RECQL4: variants seen among roughly 807,000 people sequenced by gnomAD.
RECQL4 encodes the protein ATP-dependent DNA helicase Q4.
RECQL4 carries 158 observed loss-of-function variants against 128.6 expected under a neutral mutation model. The observed-to-expected ratio is 1.23, with a 90% CI of 1.08 to 1.40. RECQL4 has a LOEUF of 1.40. Ranked by LOEUF, RECQL4 falls within the 40% of genes most tolerant of loss-of-function variation. The probability of loss-of-function intolerance (pLI) is 0.00; values close to 1 mark genes in which losing one functional copy is unlikely to be tolerated. For synonymous variants in RECQL4, 996 were observed against 678.9 expected (o/e 1.47, Z -7.26); for missense variants, 2,293 against 1,649.8 (o/e 1.39, Z -6.75).
In RECQL4 at chr8:144,517,606, G is replaced by C. The variant is rs948891282; in HGVS notation, c.114C>G (p.Thr38=). Residue 38 remains threonine (T), a synonymous_variant, in exon 2 of 21, where the codon ACC becomes ACG. Transcript: ENST00000617875. The part of the protein sequence containing the change: ...QDDVEAAPEE[T]RALYREYRTL... ...GCCGCCCCGCCGCGCGCTCACCGCG[G>C]GTCTCCTCCGGCGCCGCCTCCACGT... The C allele has an allele frequency of 1.3e-6, 2 of 1,486,986 alleles. No individual in the cohort carries two copies. The highest frequency in any genetic ancestry group is 1.8e-6 in the Non-Finnish European group (2 of 1,126,702). 92.1% of individuals were successfully genotyped at this position (1,486,986 alleles called of 1,614,324 possible). A position where few individuals can be genotyped will look rare whatever the true frequency, so the allele number is the denominator to read the frequency against.
At position 144,514,536 on chromosome 8, in the gene RECQL4, A is replaced by G. The variant is rs1827867296; in HGVS notation, c.1621-11T>C. 1 of 1,609,354 alleles carries G rather than the reference A, an allele frequency of 6.2e-7. No individual in the cohort carries two copies. The highest frequency in any genetic ancestry group is 1.3e-5 in the African/African-American group (1 of 74,868). On this transcript the variant is annotated splice_polypyrimidine_tract_variant and intron_variant, in intron 9 of 20. Coordinates refer to ENST00000617875, the MANE Select transcript of RECQL4 (RefSeq NM_004260.4). ...TGGCAGGCCAGACACCTGCAAATGC[A>G]GGAGCGACAGCCGTCATACGCCAGC...
rs1016687510 is a variant in RECQL4, at chr8:144,516,034, T to C, written c.1085A>G (p.His362Arg). The change falls in exon 5 of 21, where the codon CAC (histidine) becomes CGC (arginine). Residue 362 changes from histidine (H) to arginine (R), a missense_variant. Coordinates refer to ENST00000617875, the MANE Select transcript of RECQL4 (RefSeq NM_004260.4). ...ACGGAGTGCCCGGCCCCGCACGTAG[T>C]GTTTCTGCTTCATGTTGAGCCGTAC... is the stretch of plus-strand genomic sequence containing the variant. ...NYVRLNMKQK[H>R]YVRGRALRSR... 1.6e-5 allele frequency: 26 copies of C among 1,611,676 alleles called. No homozygotes were observed. Among genetic ancestry groups the C allele is most frequent in the Non-Finnish European group, 2.0e-5 (23 of 1,179,138 alleles).
Position 144,511,662 on chromosome 8 carries a change from G to GGGGCCTCCC in RECQL4, c.3502+10_3502+18dup. 1 of 1,610,998 alleles carries GGGGCCTCCC rather than the reference G, an allele frequency of 6.2e-7. No individual in the cohort carries two copies. Among genetic ancestry groups the GGGGCCTCCC allele is most frequent in the Non-Finnish European group, 8.5e-7 (1 of 1,178,704 alleles). On this transcript the variant is annotated intron_variant, in intron 20 of 20. Transcript: ENST00000617875. ...CCCCCAGCCCCAGCCTGCAGCGGGT[G>GGGGCCTCCC]GGGCCTCCCAGGCCTCACCGATGCC...
rs1206306853 is a variant in RECQL4 at position 144,517,453 on chromosome 8, C to T, written c.174G>A (p.Gly58=). 1 of 1,593,570 alleles carries T rather than the reference C, an allele frequency of 6.3e-7. No homozygotes were observed. Among genetic ancestry groups the T allele is most frequent in the South Asian group, 1.1e-5 (1 of 89,046 alleles). ...LKRTTGQAGG[G]LRSSESLPAA... is the part of the protein sequence containing the mutation. ...CGGGGAGCGACTCGGAGCTGCGGAG[C>T]CCGCCGCCGGCCTGGCCCGTGGTAC... is the stretch of plus-strand genomic sequence containing the variant. Residue 58 remains glycine, a synonymous_variant, in exon 3 of 21, where the codon GGG becomes GGA. Transcript: ENST00000617875.
Position 144,516,625 on chromosome 8 carries a change from G to A in RECQL4, c.494C>T (p.Pro165Leu). ...CTGGAGCCGGCCTGGCCTTGGCTGGGGCTCAGGGAGCTGTGGAGGCTCATC... is the reference window on the plus strand; with the variant it reads ...CTGGAGCCGGCCTGGCCTTGGCTGGAGCTCAGGGAGCTGTGGAGGCTCATC... The part of the protein sequence containing the change: ...VSDEPPQLPE[P>L]QPRPGRLQHL... Residue 165 changes from proline to leucine, a missense_variant, in exon 5 of 21, where the codon CCC becomes CTC. By Grantham distance (98) the Pro-to-Leu change is moderately conservative (BLOSUM62 -3). Coordinates refer to ENST00000617875, the MANE Select transcript of RECQL4 (RefSeq NM_004260.4). The A allele has an allele frequency of 6.2e-7, 1 of 1,610,682 alleles. No individual in the cohort carries two copies. Among genetic ancestry groups the A allele is most frequent in the East Asian group, 2.2e-5 (1 of 44,838 alleles).
At position 144,512,315 on chromosome 8, in the gene RECQL4, C is replaced by A. The variant is rs560476442; in HGVS notation, c.3065G>T (p.Arg1022Leu). ...GAACTCCACAAGCACCCCTGTCCCA[C>A]GCCGCACACCTGCCGGAAAGCATGT... ...WDHEPRTGVR[R>L]GTGVLVEFSE... The change falls in exon 18 of 21, where the codon CGT (arginine) becomes CTT (leucine). Residue 1022 changes from arginine to leucine, a missense_variant. Transcript: ENST00000617875. 7 of 1,612,222 alleles carry A rather than the reference C, an allele frequency of 4.3e-6. No individual in the cohort carries two copies. Among genetic ancestry groups the A allele is most frequent in the Non-Finnish European group, 5.9e-6 (7 of 1,179,706 alleles).
At chr8:144,517,267 C>G in intron 3 of RECQL4, 77 bp from the exon 4 acceptor site, 1 of 1,520,480 alleles carries the variant, frequency 6.6e-7, no homozygotes, top group Non-Finnish European at 8.8e-7. Flanking sequence ...CCCTCCCGCA[C>G]CTGGAGCGAG....
At position 144,513,116 on chromosome 8, in the gene RECQL4, C is replaced by T. The variant is rs375250269; in HGVS notation, c.2486G>A (p.Arg829His). The T allele has an allele frequency of 4.9e-5, 77 of 1,563,552 alleles. No homozygotes were observed. Among genetic ancestry groups the T allele is most frequent in the South Asian group, 4.4e-4 (37 of 83,788 alleles). ...QPQGEDLREL[R>H]RHVHADSTDF... ...CGTGCTGTCGGCGTGCACATGTCTG[C>T]GCAGCTCTCGCAGGTCTTCGCCCTG... is the stretch of plus-strand genomic sequence containing the variant. Residue 829 changes from arginine (R) to histidine (H), a missense_variant, in exon 15 of 21, where the codon CGC (arginine) becomes CAC (histidine). Arg to His is a conservative substitution (Grantham distance 29). Transcript: ENST00000617875.
chr8:144,516,660 T>C lies in RECQL4; in HGVS notation c.459A>G (p.Glu153=), dbSNP rs768901459. ...GCTGTGGAGGCTCATCACTGACTTTTTCTGCAAAGGAGGGGACAGGCCCTG... is the reference window on the plus strand; with the variant it reads ...GCTGTGGAGGCTCATCACTGACTTTCTCTGCAAAGGAGGGGACAGGCCCTG... ...PGTGPVPSFA[E]KVSDEPPQLP... is the part of the protein sequence containing the mutation. Residue 153 remains glutamate (E), a synonymous_variant, in exon 5 of 21, where the codon GAA becomes GAG. Transcript: ENST00000617875. 6.2e-7 allele frequency: 1 copy of C among 1,602,036 alleles called. No individual in the cohort carries two copies.
rs2130708487 is a variant in RECQL4, at chr8:144,515,409, G to A, written c.1307C>T (p.Ser436Leu). 2 of 1,612,828 alleles carry A rather than the reference G, an allele frequency of 1.2e-6. No individual in the cohort carries two copies. The highest frequency in any genetic ancestry group is 1.7e-6 in the Non-Finnish European group (2 of 1,179,840). ...GGGCACCTCAGGTACAGGTTGTGGTGAAGGAACCAGTGGCTCAGGCCCAAC... is the reference window on the plus strand; with the variant it reads ...GGGCACCTCAGGTACAGGTTGTGGTAAAGGAACCAGTGGCTCAGGCCCAAC... ...DAVGPEPLVP[S>L]PQPVPEVPSL... Residue 436 changes from serine (S) to leucine (L), a missense_variant, in exon 7 of 21, where the codon TCA (serine) becomes TTA (leucine). Ser to Leu is a moderately radical substitution (Grantham distance 145). Coordinates refer to ENST00000617875, the MANE Select transcript of RECQL4 (RefSeq NM_004260.4).
chr8:144,512,641 C>T lies in RECQL4; in HGVS notation c.2885+1G>A, dbSNP rs1176959485. On this transcript the variant is annotated splice_donor_variant, in intron 16 of 20. Transcript: ENST00000617875. LOFTEE classifies it high-confidence loss of function. ...TCTCCAACTGGGCAGGGCGTGCTTA[C>T]CTGTGGGCCAGGGCCTGGAGCTGGG... 6.2e-7 allele frequency: 1 copy of T among 1,612,330 alleles called. No individual in the cohort carries two copies. Among genetic ancestry groups the T allele is most frequent in the East Asian group, 2.2e-5 (1 of 44,888 alleles).
At chr8:144,513,762 G>GGGCGGTGGGGAGTGAGGAGGGGTCGGCC in intron 12 of RECQL4, 50 bp from the exon 13 acceptor site, 1 of 1,479,328 alleles carries the variant, frequency 6.8e-7, no homozygotes, top group Non-Finnish European at 9.0e-7. Context: ...AGGGGTCGGC[G>GGGCGGTGGGGAGTGAGGAGGGGTCGGCC]TGTGCAGTGG....
rs1289970181 is a variant in RECQL4 at position 144,517,061 on chromosome 8, C to G, written c.343G>C (p.Gly115Arg). 1.2e-6 allele frequency: 2 copies of G among 1,610,826 alleles called. No individual in the cohort carries two copies. Among genetic ancestry groups the G allele is most frequent in the African/African-American group, 1.3e-5 (1 of 74,928 alleles). Reference protein sequence around the residue: ...YGQRLKANLKGTLQAGPALGR... With the variant: ...YGQRLKANLKRTLQAGPALGR... ...TGCCCACTCCTCACCTGCAGGGTGC[C>G]TTTCAGATTGGCCTTGAGCCGCTGC... is the stretch of plus-strand genomic sequence containing the variant. The change falls in exon 4 of 21, where the codon GGC becomes CGC. Residue 115 changes from glycine (G) to arginine (R), a missense_variant. By Grantham distance (125) the Gly-to-Arg change is moderately radical. Transcript: ENST00000617875.
rs776532961 is a variant in RECQL4, at chr8:144,516,511, C to T, written c.608G>A (p.Gly203Glu). 6.8e-5 allele frequency: 109 copies of T among 1,609,294 alleles called. No individual in the cohort carries two copies. Among genetic ancestry groups the T allele is most frequent in the Non-Finnish European group, 8.8e-5 (104 of 1,179,566 alleles). Residue 203 changes from glycine (G) to glutamate (E), a missense_variant, in exon 5 of 21, where the codon GGG becomes GAG. Coordinates refer to ENST00000617875, the MANE Select transcript of RECQL4 (RefSeq NM_004260.4). The part of the protein sequence containing the change: ...RCHSEVPDFL[G>E]APKACRPDLG... ...ATCAGGCCTGCAGGCTTTGGGGGCC[C>T]CCAGAAAATCTGGGACCTCACTGTG...
In RECQL4 at chr8:144,517,680, C is replaced by T. The variant is rs1315000393; in HGVS notation, c.84+21G>A. ...GCCGCGGGCCGCGCCCTCAGCCCCT[C>T]GGCCCCTGGGCAGCCCGCACCTGGC... On this transcript the variant is annotated intron_variant, in intron 1 of 20. Coordinates refer to ENST00000617875, the MANE Select transcript of RECQL4 (RefSeq NM_004260.4). 6.2e-6 allele frequency: 9 copies of T among 1,455,222 alleles called. No individual in the cohort carries two copies. In the South Asian group the frequency reaches 1.2e-4, roughly 19 times the overall value. 90.1% of individuals were successfully genotyped at this position (1,455,222 alleles called of 1,614,324 possible).
intron 19 of RECQL4, 29 bp from the exon 20 acceptor site, chr8:144,511,818 C>A (rs767643917): frequency 1.2e-6 from 2 of 1,611,910 alleles, no homozygotes; most frequent in Non-Finnish European, 1.7e-6. Context: ...CAGGCTTCCT[C>A]TGAGCTCCCG....
rs780228802 is a variant in RECQL4, at chr8:144,513,346, C to T, written c.2335G>A (p.Asp779Asn). 4 of 1,605,140 alleles carry T rather than the reference C, an allele frequency of 2.5e-6. No homozygotes were observed. Among genetic ancestry groups the T allele is most frequent in the African/African-American group, 1.3e-5 (1 of 75,062 alleles). Residue 779 changes from aspartate (D) to asparagine (N), a missense_variant, in exon 14 of 21, where the codon GAC (aspartate) becomes AAC (asparagine). Physicochemically the swap from Asp to Asn is conservative, Grantham distance 23. Coordinates refer to ENST00000617875, the MANE Select transcript of RECQL4 (RefSeq NM_004260.4). ...AGCACAGCCCGCACATCTGGCCGGT[C>T]CAGCCCCATCCCAAAGGCCACCGTG... ...VATVAFGMGL[D>N]RPDVRAVLHL...
rs376587038 is a variant in RECQL4 at position 144,515,063 on chromosome 8, G to T, written c.1493C>A (p.Thr498Lys). The T allele has an allele frequency of 6.2e-7, 1 of 1,607,362 alleles. No homozygotes were observed. Among genetic ancestry groups the T allele is most frequent in the Admixed American group, 1.7e-5 (1 of 59,170 alleles). Residue 498 changes from threonine (T) to lysine (K), a missense_variant, in exon 9 of 21, where the codon ACG (threonine) becomes AAG (lysine). Transcript: ENST00000617875. ...AVMRILSGISTLLVLPTGAGK... is the reference protein window; with the variant it reads ...AVMRILSGISKLLVLPTGAGK... ...GGCACCTGTAGGCAGCACCAGCAGC[G>T]TGGAGATGCCTGGATGGGGCGGGAG...
Position 144,513,238 on chromosome 8 carries a change from G to A in RECQL4, c.2443C>T (p.His815Tyr), listed in dbSNP as rs1060501371. The A allele has an allele frequency of 6.3e-7, 1 of 1,585,706 alleles. No homozygotes were observed. The highest frequency in any genetic ancestry group is 2.3e-5 in the East Asian group (1 of 44,372). ...AGRDGQPAHCHLFLQPQGEDL... is the reference protein window; with the variant it reads ...AGRDGQPAHCYLFLQPQGEDL... ...CCAACCTGGGGCTGCAGGAAGAGGT[G>A]GCAGTGGGCAGGCTGCCCGTCACGC... The change falls in exon 14 of 21, where the codon CAC becomes TAC. Residue 815 changes from histidine (H) to tyrosine (Y), a missense_variant. By Grantham distance (83) the His-to-Tyr change is moderately conservative. Transcript: ENST00000617875.
Sources: allele counts gnomAD v4.1 joint callset, GRCh38; gene constraint gnomAD v4.1.1; transcripts MANE v1.5; gene names NCBI Gene and HGNC (gene_info 2026-07-23, HGNC 2026-07-21).